Variants in PRKCB observed in about 807,000 individuals in gnomAD.
PRKCB encodes the protein protein kinase C beta, also known as protein kinase C beta type.
Under a neutral mutation model 81.5 loss-of-function variants are expected in PRKCB, and 13 were observed. That is an observed-to-expected ratio of 0.16 (90% CI 0.10 to 0.25). The LOEUF (loss-of-function observed/expected upper bound fraction) is 0.25. Ranked by LOEUF, PRKCB falls within the 10% of genes least tolerant of loss-of-function variation. The pLI, the probability that PRKCB is intolerant of heterozygous loss-of-function variation, is 1.00. For synonymous variants in PRKCB, 335 were observed against 321.4 expected, an observed-to-expected ratio of 1.04 and a Z score of -0.45; for missense variants, 509 against 875.7, an observed-to-expected ratio of 0.58 and a Z score of 5.29.
chr16:24,173,054 T>C (rs1967468753), intron 11 of PRKCB, among the ~76,000 whole-genome samples: 2 of 152,162 alleles, frequency 1.3e-5, no homozygotes, highest in Non-Finnish European at 1.5e-5. Context: ...TCCCAAATTC[T>C]GACCCCGGTT....
chr16:23,891,764 A>T (rs560244678), intron 2 of PRKCB, among the ~76,000 whole-genome samples: 1 of 152,256 alleles, frequency 6.6e-6, no homozygotes, highest in Non-Finnish European at 1.5e-5. Context: ...AGGCCTGGTG[A>T]GGTTGATGAG....
intron 2 of PRKCB, among the ~76,000 whole-genome samples, chr16:23,926,899 C>A (rs1963904581): frequency 6.6e-6 from 1 of 152,060 alleles, no homozygotes; most frequent in Non-Finnish European, 1.5e-5. Flanking sequence ...TTTTTAAAAG[C>A]AAGTTTTCTC....
At chr16:24,188,576 GC>G (rs1309983424) in intron 15 of PRKCB, among the ~76,000 whole-genome samples, 2 of 151,796 alleles carry the variant, frequency 1.3e-5, no homozygotes, top group African/African-American at 4.8e-5. Flanking sequence ...TCCCTTAAAG[GC>G]CCGATTTTCT....
intron 11 of PRKCB, among the ~76,000 whole-genome samples, chr16:24,173,594 T>A (rs974299311): frequency 5.3e-5 from 8 of 152,360 alleles, no homozygotes; most frequent in African/African-American, 1.7e-4. Flanking sequence ...TTCTAACATC[T>A]AATTGACCAC....
intron 3 of PRKCB, among the ~76,000 whole-genome samples, chr16:24,004,566 G>T (rs572196296): frequency 1.3e-5 from 2 of 151,784 alleles, no homozygotes; most frequent in Non-Finnish European, 2.9e-5. Flanking sequence ...GATGTGGGAG[G>T]ATCACTTAAG....
intron 3 of PRKCB, among the ~76,000 whole-genome samples, chr16:24,014,025 G>C (rs567675088): frequency 2.0e-5 from 3 of 152,188 alleles, no homozygotes; most frequent in Admixed American, 6.5e-5. Context: ...CAAACTCACC[G>C]TGTCCTTCTA....
At chr16:23,846,214 T>C (rs773262717) in intron 2 of PRKCB, among the ~76,000 whole-genome samples, 1 of 152,344 alleles carries the variant, frequency 6.6e-6, no homozygotes, top group Middle Eastern at 3.4e-3. Flanking sequence ...TTGGTGTTAA[T>C]ATATCTTTAA....
At chr16:24,062,790 T>C (rs1318407053) in intron 5 of PRKCB, among the ~76,000 whole-genome samples, 1 of 152,126 alleles carries the variant, frequency 6.6e-6, no homozygotes, top group Non-Finnish European at 1.5e-5. Context: ...GCTCTTCTTG[T>C]GCCAATTAGA....
At chr16:24,097,920 A>G (rs1966463605) in intron 7 of PRKCB, among the ~76,000 whole-genome samples, 1 of 152,238 alleles carries the variant, frequency 6.6e-6, no homozygotes, top group South Asian at 2.1e-4. Flanking sequence ...GCCTCCAGGT[A>G]GCAGGCTTCA....
At chr16:24,158,339 G>A (rs1313468627) in intron 10 of PRKCB, among the ~76,000 whole-genome samples, 3 of 152,036 alleles carry the variant, frequency 2.0e-5, no homozygotes, top group African/African-American at 7.2e-5. Flanking sequence ...TACTATATGT[G>A]AGGCACAAGG....
chr16:24,059,163 G>A (rs1280184648), intron 5 of PRKCB, among the ~76,000 whole-genome samples: 1 of 152,164 alleles, frequency 6.6e-6, no homozygotes, highest in Non-Finnish European at 1.5e-5. Context: ...AGATGAATCT[G>A]TATATCCAGA....
chr16:24,009,880 T>C (rs1208764436), intron 3 of PRKCB, among the ~76,000 whole-genome samples: 3 of 151,978 alleles, frequency 2.0e-5, no homozygotes, highest in Admixed American at 1.3e-4. Context: ...CCTGGCATGA[T>C]GGTTTTTGTA....
intron 3 of PRKCB, among the ~76,000 whole-genome samples, chr16:24,001,962 T>C (rs1437866802): frequency 6.6e-6 from 1 of 152,214 alleles, no homozygotes; most frequent in African/African-American, 2.4e-5. Flanking sequence ...TCTGCTTTAT[T>C]GGTTAGTTAT....
At chr16:23,850,189 T>G in intron 2 of PRKCB, among the ~76,000 whole-genome samples, 1 of 152,194 alleles carries the variant, frequency 6.6e-6, no homozygotes, top group East Asian at 1.9e-4. Flanking sequence ...CTATTGTGTG[T>G]ATACACCATA....
chr16:23,857,565 C>G (rs755526035), intron 2 of PRKCB, among the ~76,000 whole-genome samples: 3 of 152,130 alleles, frequency 2.0e-5, no homozygotes, highest in Non-Finnish European at 4.4e-5. Context: ...CAGCTGGCCT[C>G]TCTGTGTTTC....
chr16:24,173,118 C>T (rs1967469697), intron 11 of PRKCB, among the ~76,000 whole-genome samples: 1 of 152,114 alleles, frequency 6.6e-6, no homozygotes, highest in Admixed American at 6.5e-5. Context: ...GATGCCTTCA[C>T]TCCATGGGGG....
intron 16 of PRKCB, among the ~76,000 whole-genome samples, chr16:24,191,801 G>A (rs907182670): frequency 6.6e-6 from 1 of 152,346 alleles, no homozygotes; most frequent in East Asian, 1.9e-4. Flanking sequence ...GGGTTTGGGT[G>A]TGGAGATGGC....
At chr16:24,204,402 G>C (rs940569683) in intron 16 of PRKCB, among the ~76,000 whole-genome samples, 3 of 152,058 alleles carry the variant, frequency 2.0e-5, no homozygotes, top group Non-Finnish European at 4.4e-5. Context: ...TCTCCTACTT[G>C]ACCCTATATG....
intron 5 of PRKCB, among the ~76,000 whole-genome samples, chr16:24,072,555 GCTTT>G (rs1966124257): frequency 6.6e-6 from 1 of 151,232 alleles, no homozygotes; most frequent in Non-Finnish European, 1.5e-5. Flanking sequence ...CAGCCAATCT[GCTTT>G]CTTTAACTCT....
Sources: allele counts gnomAD v4.1 joint callset (sites outside exome capture counted in the v4.1 genomes callset), GRCh38; gene constraint gnomAD v4.1.1; transcripts MANE v1.5; gene names NCBI Gene and HGNC (gene_info 2026-07-23, HGNC 2026-07-21).